The following MFN1 variants were observed in gnomAD, a reference collection of about 807,000 sequenced individuals.
The protein encoded by MFN1 is mitofusin 1.
A neutral mutation model predicts 92.4 loss-of-function variants in MFN1; 65 were observed. That is an observed-to-expected ratio of 0.70 (90% confidence interval 0.58 to 0.86). The LOEUF (loss-of-function observed/expected upper bound fraction) is 0.86. Among genes scored for constraint, MFN1 ranks in the 40% least tolerant of loss-of-function variants. MFN1 has a pLI of 0.00. For synonymous variants in MFN1, 297 were observed against 300.9 expected (o/e 0.99, Z 0.13); for missense variants, 781 against 868.0 (o/e 0.90, Z 1.26).
At position 179,385,609 on chromosome 3, in the gene MFN1, C is replaced by A. The variant is rs1713652763; in HGVS notation, c.1703C>A (p.Thr568Asn). ...SLASTPTAPTTPATPDNASQE... is the reference protein window; with the variant it reads ...SLASTPTAPTNPATPDNASQE... ...GCTTCTACTCCCACTGCTCCTACCACTCCAGCAACGCCAGATAATGCATCA... is the reference window on the plus strand; with the variant it reads ...GCTTCTACTCCCACTGCTCCTACCAATCCAGCAACGCCAGATAATGCATCA... Residue 568 changes from threonine (T) to asparagine (N), a missense_variant, in exon 15 of 18, where the codon ACT becomes AAT. Physicochemically the swap from Thr to Asn is moderately conservative, Grantham distance 65 (BLOSUM62 0). Coordinates refer to ENST00000471841, the MANE Select transcript of MFN1 (RefSeq NM_033540.3). The A allele has an allele frequency of 1.2e-6, 2 of 1,613,402 alleles. No homozygotes were observed. Among genetic ancestry groups the A allele is most frequent in the Non-Finnish European group, 1.7e-6 (2 of 1,179,890 alleles).
chr3:179,373,003 G>C (rs1713084697), intron 9 of MFN1, among the ~76,000 whole-genome samples: 1 of 152,108 alleles, frequency 6.6e-6, no homozygotes, highest in African/African-American at 2.4e-5. Flanking sequence ...TTATCTTTAG[G>C]TGTGTACAGA....
intron 3 of MFN1, among the ~76,000 whole-genome samples, chr3:179,357,088 C>T (rs568432133): frequency 6.6e-6 from 1 of 152,294 alleles, no homozygotes; most frequent in African/African-American, 2.4e-5. Flanking sequence ...TGATCCATAT[C>T]ATTCCTCTGT....
chr3:179,391,766 G>A (rs940185297), intron 17 of MFN1, among the ~76,000 whole-genome samples: 1 of 152,172 alleles, frequency 6.6e-6, no homozygotes, highest in Non-Finnish European at 1.5e-5. Flanking sequence ...ATGTCCATAA[G>A]AAACACTGTG....
At chr3:179,373,762 C>T (rs924122480) in intron 9 of MFN1, among the ~76,000 whole-genome samples, 1 of 151,976 alleles carries the variant, frequency 6.6e-6, no homozygotes, top group South Asian at 2.1e-4. Flanking sequence ...CAAGCTCCAC[C>T]TTCCGGGTTC....
chr3:179,369,662 G>A (rs980226729), intron 9 of MFN1, among the ~76,000 whole-genome samples: 1 of 152,130 alleles, frequency 6.6e-6, no homozygotes, highest in African/African-American at 2.4e-5. Context: ...ACGTGCTTTA[G>A]AGAACCACAG....
chr3:179,356,915 TGAG>T (rs1435949928), intron 3 of MFN1, among the ~76,000 whole-genome samples: 10 of 152,180 alleles, frequency 6.6e-5, no homozygotes, highest in East Asian at 1.9e-4. Flanking sequence ...GGTCACCAAA[TGAG>T]GAGATGGGGG....
At chr3:179,377,993 G>T (rs530314298) in intron 12 of MFN1, among the ~76,000 whole-genome samples, 24 of 152,218 alleles carry the variant, frequency 1.6e-4, no homozygotes, top group South Asian at 1.2e-3. Context: ...CCGGAAGGCA[G>T]AAGTGGCAGT....
At chr3:179,386,302 A>G in intron 15 of MFN1, 131 bp from the exon 16 acceptor site, 1 of 692,152 alleles carries the variant, frequency 1.4e-6, no homozygotes. Flanking sequence ...AGGTTTTCTC[A>G]TGGAGAAGGA....
intron 7 of MFN1, 107 bp from the exon 8 acceptor site, chr3:179,367,332 G>A (rs1194820212): frequency 2.3e-6 from 2 of 879,326 alleles, no homozygotes; most frequent in Non-Finnish European, 3.2e-6. Flanking sequence ...TAGTTATATG[G>A]TAACTTTTAT....
At position 179,394,420 on chromosome 3, in the gene MFN1, T is replaced by TTC. The variant is rs1401767789; in HGVS notation, c.*2362_*2363insCT. On this transcript the variant is annotated 3_prime_UTR_variant, in exon 18 of 18. Transcript: ENST00000471841. ...TAACGAAAGCCAACTTTTTTTTTTT[T>TTC]TTTTTTTTTTTTTGAGACGGAGTCT... The TTC allele has an allele frequency of 7.3e-6, 1 of 137,366 alleles. No homozygotes were observed. Among genetic ancestry groups the TTC allele is most frequent in the Non-Finnish European group, 1.5e-5 (1 of 64,950 alleles). The allele number at this position is 137,366 out of a possible 1,614,324, so 8.5% of individuals were successfully genotyped here.
At chr3:179,362,528 A>G (rs759133294) in intron 5 of MFN1, 46 bp downstream of exon 5, 2 of 1,537,792 alleles carry the variant, frequency 1.3e-6, no homozygotes, top group South Asian at 1.3e-5. Flanking sequence ...TTTATTTAAT[A>G]GTATAATACT....
At chr3:179,352,796 C>T (rs552539158) in intron 3 of MFN1, among the ~76,000 whole-genome samples, 58 of 152,114 alleles carry the variant, frequency 3.8e-4, no homozygotes, top group African/African-American at 1.4e-3. Context: ...CTGTCTCCCA[C>T]GCTGGAGTGC....
chr3:179,349,996 AC>A (rs1712080031), intron 2 of MFN1, among the ~76,000 whole-genome samples: 1 of 152,088 alleles, frequency 6.6e-6, no homozygotes. Context: ...TACTAAAAAT[AC>A]AAAAATTAGC....
intron 4 of MFN1, among the ~76,000 whole-genome samples, 171 bp from the exon 5 acceptor site, chr3:179,362,187 T>C (rs1000943756): frequency 6.6e-6 from 1 of 152,230 alleles, no homozygotes; most frequent in South Asian, 2.1e-4. Flanking sequence ...CCATTTTTTT[T>C]CTACTTGGAA....
At chr3:179,379,900 G>A (rs1342089989) in intron 14 of MFN1, among the ~76,000 whole-genome samples, 1 of 152,048 alleles carries the variant, frequency 6.6e-6, no homozygotes, top group African/African-American at 2.4e-5. Context: ...TGCTAAAAAT[G>A]ATGACAGAAG....
At position 179,378,633 on chromosome 3, in the gene MFN1, C is replaced by T. The variant is rs1438993328; in HGVS notation, c.1481C>T (p.Thr494Ile). 1 of 1,613,582 alleles carries T rather than the reference C, an allele frequency of 6.2e-7. No individual in the cohort carries two copies. The highest frequency in any genetic ancestry group is 1.7e-5 in the Admixed American group (1 of 60,000). The change falls in exon 14 of 18, where the codon ACA (threonine) becomes ATA (isoleucine). Residue 494 changes from threonine to isoleucine, a missense_variant. Thr to Ile is a moderately conservative substitution (Grantham distance 89). Transcript: ENST00000471841. ...LPAGIQDKLH[T>I]LIPCKKFDLS... ...GCTGGTATACAGGATAAACTACATA[C>T]ACTGATCCCTTGCAAGAAATTTGAT...
chr3:179,379,603 C>T (rs923993516), intron 14 of MFN1, among the ~76,000 whole-genome samples: 1 of 152,222 alleles, frequency 6.6e-6, no homozygotes, highest in African/African-American at 2.4e-5. Flanking sequence ...ATCCACCTGC[C>T]TCAGCCTCCC....
intron 4 of MFN1, among the ~76,000 whole-genome samples, chr3:179,361,366 G>A (rs6443643): frequency 0.7 from 106,871 of 151,964 alleles, 37,979 homozygotes; most frequent in African/African-American, 0.79. Flanking sequence ...TCACATGGAT[G>A]CATTGTGTGA....
intron 10 of MFN1, 99 bp downstream of exon 10, chr3:179,375,440 A>G (rs1713203437): frequency 7.1e-7 from 1 of 1,412,780 alleles, no homozygotes; most frequent in East Asian, 2.3e-5. Context: ...TACTTTTTAC[A>G]CTGAAATCAA....
Sources: allele counts gnomAD v4.1 joint callset (sites outside exome capture counted in the v4.1 genomes callset), GRCh38; gene constraint gnomAD v4.1.1; transcripts MANE v1.5; gene names NCBI Gene and HGNC (gene_info 2026-07-23, HGNC 2026-07-21).